RAPGEF1: variants seen among roughly 807,000 people sequenced by gnomAD.
The protein encoded by RAPGEF1 is Rap guanine nucleotide exchange factor 1, also known as CRK SH3-binding GNRP.
RAPGEF1 carries 33 observed loss-of-function variants against 143.3 expected under a neutral mutation model. The observed-to-expected ratio is 0.23, with a 90% CI of 0.17 to 0.31. The LOEUF (loss-of-function observed/expected upper bound fraction) is 0.31, where lower values mean the gene tolerates loss of function less well. RAPGEF1 is among the 10% of genes least tolerant of loss of function. RAPGEF1 has a pLI of 1.00. For missense variants in RAPGEF1, 1,199 were observed against 1,645.4 expected, an observed-to-expected ratio of 0.73 and a Z score of 4.69; for synonymous variants, 629 against 676.5, an observed-to-expected ratio of 0.93 and a Z score of 1.09.
intron 10 of RAPGEF1, among the ~76,000 whole-genome samples, chr9:131,623,966 A>G (rs1962117866): frequency 6.6e-6 from 1 of 152,170 alleles, no homozygotes; most frequent in Admixed American, 6.5e-5. Context: ...TGAACAGCAG[A>G]CTGGGGACAA....
intron 5 of RAPGEF1, among the ~76,000 whole-genome samples, chr9:131,632,192 G>T (rs558308400): frequency 2.0e-5 from 3 of 151,458 alleles, no homozygotes; most frequent in Admixed American, 2.0e-4. Context: ...GCAGTGGTGC[G>T]ATCTCAGCTC....
At chr9:131,720,393 T>G (rs556548525) in intron 1 of RAPGEF1, among the ~76,000 whole-genome samples, 100 of 152,302 alleles carry the variant, frequency 6.6e-4, no homozygotes, top group African/African-American at 2.4e-3. Context: ...CTCCAGACTT[T>G]GAGTGGTGGT....
rs1007412185 is a variant in RAPGEF1, at chr9:131,627,863, C to T, written c.1201+50G>A. Reference sequence around the variant, plus strand: ...ACTCCCACCCAGGACTGTAATGGCCCCAGAGAAGCCACCGAGACACGATGG... The same window carrying T: ...ACTCCCACCCAGGACTGTAATGGCCTCAGAGAAGCCACCGAGACACGATGG... On this transcript the variant is annotated intron_variant, in intron 9 of 26. Coordinates refer to ENST00000683357, the MANE Select transcript of RAPGEF1 (RefSeq NM_001377935.1). The T allele has an allele frequency of 1.0e-5, 16 of 1,538,116 alleles. No homozygotes were observed. The Admixed American group carries it at 3.1e-4, about 30-fold the overall frequency.
chr9:131,582,742 C>T (rs755802589), intron 24 of RAPGEF1, 40 bp from the exon 25 acceptor site: 15 of 1,516,572 alleles, frequency 9.9e-6, no homozygotes, highest in Middle Eastern at 1.8e-4. Flanking sequence ...CAGGGGTGAG[C>T]GAGTGCTGGG....
At position 131,579,622 on chromosome 9, in the gene RAPGEF1, C is replaced by T. The variant is rs1951542027; in HGVS notation, c.3667G>A (p.Asp1223Asn). ...AAGTCATTGAAGAAGTTTATAATGT[C>T]GTCGTTCCTCCGCATGTCATAGTGC... ...QAHYDMRRNDDIINFFNDFSD... is the reference protein window; with the variant it reads ...QAHYDMRRNDNIINFFNDFSD... The change falls in exon 27 of 27, where the codon GAC becomes AAC. Residue 1223 changes from aspartate (D) to asparagine (N), a missense_variant. Coordinates refer to ENST00000683357, the MANE Select transcript of RAPGEF1 (RefSeq NM_001377935.1). 2.5e-6 allele frequency: 4 copies of T among 1,613,982 alleles called. No individual in the cohort carries two copies. The highest frequency in any genetic ancestry group is 2.2e-5 in the South Asian group (2 of 91,074).
chr9:131,589,640 C>T (rs190321138), intron 19 of RAPGEF1, among the ~76,000 whole-genome samples: 3 of 152,176 alleles, frequency 2.0e-5, no homozygotes, highest in East Asian at 1.9e-4. Context: ...GGAGCAGGTG[C>T]GTTGGGCGGG....
rs1433995285 is a variant in RAPGEF1, at chr9:131,579,535, T to C, written c.3754A>G (p.Ile1252Val). 1 of 1,614,062 alleles carries C rather than the reference T, an allele frequency of 6.2e-7. No homozygotes were observed. The highest frequency in any genetic ancestry group is 8.5e-7 in the Non-Finnish European group (1 of 1,179,892). Residue 1252 changes from isoleucine to valine, a missense_variant, in exon 27 of 27, where the codon ATA becomes GTA. Coordinates refer to ENST00000683357, the MANE Select transcript of RAPGEF1 (RefSeq NM_001377935.1). ...TCCCGGTCTGTTTTTCTCCTTGTTA[T>C]GTTCCTGGGTTTAATTTTCAGAGAC... is the stretch of plus-strand genomic sequence containing the variant. The part of the protein sequence containing the change: ...ELSLKIKPRN[I>V]TRRKTDREEK...
intron 1 of RAPGEF1, among the ~76,000 whole-genome samples, chr9:131,734,233 C>T (rs1837275430): frequency 6.6e-6 from 1 of 152,160 alleles, no homozygotes; most frequent in Admixed American, 6.5e-5. Flanking sequence ...TTCCCCATTC[C>T]ACTTCTCCAG....
intron 5 of RAPGEF1, among the ~76,000 whole-genome samples, chr9:131,632,899 C>G (rs1359175456): frequency 1.3e-5 from 2 of 151,834 alleles, no homozygotes; most frequent in African/African-American, 2.4e-5. Context: ...AACAAGCAAC[C>G]CCGCCCTCCA....
chr9:131,707,554 C>T (rs1264997534), intron 1 of RAPGEF1, among the ~76,000 whole-genome samples: 4 of 152,130 alleles, frequency 2.6e-5, no homozygotes, highest in Non-Finnish European at 5.9e-5. Context: ...AGTTCTTGTG[C>T]CTCAGCCTCC....
intron 12 of RAPGEF1, among the ~76,000 whole-genome samples, chr9:131,610,161 G>A (rs1234898086): frequency 6.6e-6 from 1 of 152,230 alleles, no homozygotes; most frequent in African/African-American, 2.4e-5. Flanking sequence ...CTCCCAAAGT[G>A]CTGTGATTAT....
intron 1 of RAPGEF1, among the ~76,000 whole-genome samples, chr9:131,732,566 T>G (rs542557823): frequency 6.6e-6 from 1 of 152,316 alleles, no homozygotes; most frequent in East Asian, 1.9e-4. Flanking sequence ...AGTGGTGTTC[T>G]GGGAATTTGA....
chr9:131,661,871 A>C (rs1974193623), intron 1 of RAPGEF1, among the ~76,000 whole-genome samples: 1 of 152,236 alleles, frequency 6.6e-6, no homozygotes, highest in Non-Finnish European at 1.5e-5. Context: ...TAACACCTAC[A>C]TAAATGTATA....
intron 1 of RAPGEF1, among the ~76,000 whole-genome samples, chr9:131,661,305 G>A (rs971787925): frequency 2.0e-5 from 3 of 152,238 alleles, no homozygotes; most frequent in South Asian, 2.1e-4. Context: ...TGGTTCTCAC[G>A]AGTGTAGAGA....
In RAPGEF1 at chr9:131,628,278, G is replaced by C. The variant is rs1048286564; in HGVS notation, c.1018-182C>G. Among the ~76,000 whole-genome samples, 3 of 152,188 alleles carry C rather than the reference G, an allele frequency of 2.0e-5. No homozygotes were observed. The highest frequency in any genetic ancestry group is 4.4e-5 in the Non-Finnish European group (3 of 68,032). The stretch of plus-strand genomic sequence containing the variant: ...TGAGAAGCAGCCATCTGGAGTTTGT[G>C]GGGGGTGTGGCCAGGGAGGGCCCTG... On this transcript the variant is annotated intron_variant, in intron 8 of 26. Coordinates refer to ENST00000683357, the MANE Select transcript of RAPGEF1 (RefSeq NM_001377935.1). The surrounding 1 kb of genome is among the most constrained non-coding windows in gnomAD (Gnocchi z 5.7).
chr9:131,589,283 C>G (rs970691078), intron 19 of RAPGEF1, among the ~76,000 whole-genome samples: 6 of 152,232 alleles, frequency 3.9e-5, no homozygotes, highest in African/African-American at 1.4e-4. Flanking sequence ...CGAATCCCGC[C>G]CTGGGGAGCT....
In RAPGEF1 at chr9:131,628,562, C is replaced by T. The variant is rs1369071723; in HGVS notation, c.1004G>A (p.Gly335Glu). ...RATSGSSLPV[G>E]INRQDFDVDC... ...GGGCTGCATTACCTGCCTATTGATT[C>T]CAACAGGCAAACTGGAGCCACTGGT... Residue 335 changes from glycine (G) to glutamate (E), a missense_variant, in exon 8 of 27, where the codon GGA (glycine) becomes GAA (glutamate). Gly to Glu is a moderately conservative substitution (Grantham distance 98). Coordinates refer to ENST00000683357, the MANE Select transcript of RAPGEF1 (RefSeq NM_001377935.1). This position sits in a 1 kb window ranked among gnomAD's most constrained non-coding sequence, Gnocchi z 5.7. 4 of 1,612,790 alleles carry T rather than the reference C, an allele frequency of 2.5e-6. No homozygotes were observed. The highest frequency in any genetic ancestry group is 3.3e-4 in the Middle Eastern group (2 of 6,042).
In RAPGEF1 at chr9:131,641,620, C is replaced by G. The variant is rs1967999064; in HGVS notation, c.494+1619G>C. The stretch of plus-strand genomic sequence containing the variant: ...TTTAACTATTCCAAGGCAGAGACTA[C>G]CACATGAGACTAGGTCCACAAAAAC... On this transcript the variant is annotated intron_variant, in intron 4 of 26. Transcript: ENST00000683357. The surrounding 1 kb of genome is among the most constrained non-coding windows in gnomAD (Gnocchi z 4.6). 6.6e-6 allele frequency among the ~76,000 whole-genome samples: 1 copy of G among 152,258 alleles called. No homozygotes were observed. The highest frequency in any genetic ancestry group is 2.1e-4 in the South Asian group (1 of 4,836).
At chr9:131,716,984 C>T (rs1484538160) in intron 1 of RAPGEF1, among the ~76,000 whole-genome samples, 1 of 152,098 alleles carries the variant, frequency 6.6e-6, no homozygotes, top group Non-Finnish European at 1.5e-5. Flanking sequence ...TCCTCTCCAG[C>T]GAGTCAAAGG....
Sources: gnomAD v4.1 joint callset for allele counts (sites outside exome capture counted in the v4.1 genomes callset) on GRCh38, gnomAD v4.1.1 for gene constraint, Gnocchi (gnomAD v3.1) non-coding constraint, MANE v1.5 for transcripts, NCBI Gene and HGNC (gene_info 2026-07-23, HGNC 2026-07-21) for gene names.